THSD4: variants seen among roughly 807,000 people sequenced by gnomAD.
The protein encoded by THSD4 is thrombospondin type-1 domain-containing protein 4.
Under a neutral mutation model 119.0 loss-of-function variants are expected in THSD4, and 69 were observed. The observed-to-expected ratio is 0.58, with a 90% CI of 0.48 to 0.71. The LOEUF is 0.71. Ranked by LOEUF, THSD4 falls within the 30% of genes least tolerant of loss-of-function variation. The probability of loss-of-function intolerance (pLI) is 0.00; values close to 1 mark genes in which losing one functional copy is unlikely to be tolerated. For missense variants in THSD4, 1,393 were observed against 1,391.1 expected, an observed-to-expected ratio of 1.00 and a Z score of -0.02; for synonymous variants, 524 against 540.4, an observed-to-expected ratio of 0.97 and a Z score of 0.42.
chr15:71,128,050 T>G (rs186593322), intron 1 of THSD4, among the ~76,000 whole-genome samples: 37 of 152,280 alleles, frequency 2.4e-4, no homozygotes, highest in African/African-American at 7.2e-4. Context: ...CATTTAAGTC[T>G]TTAATCCCAA....
chr15:71,197,210 T>C (rs1269963784), intron 3 of THSD4, among the ~76,000 whole-genome samples: 1 of 152,212 alleles, frequency 6.6e-6, no homozygotes, highest in East Asian at 1.9e-4. Flanking sequence ...TCAGGGCTGA[T>C]GCATGGCCAA....
intron 6 of THSD4, among the ~76,000 whole-genome samples, chr15:71,392,418 A>G (rs1393677437): frequency 6.6e-6 from 1 of 152,236 alleles, no homozygotes; most frequent in Non-Finnish European, 1.5e-5. Flanking sequence ...AGCAAGGTTC[A>G]TAGACTTACT....
chr15:71,648,053 C>T (rs750899106), intron 7 of THSD4, among the ~76,000 whole-genome samples: 1 of 152,190 alleles, frequency 6.6e-6, no homozygotes, highest in Non-Finnish European at 1.5e-5. Context: ...GACAATACAA[C>T]TAGCAGAGGA....
chr15:71,604,981 G>A (rs1310496627), intron 7 of THSD4, among the ~76,000 whole-genome samples: 2 of 152,072 alleles, frequency 1.3e-5, no homozygotes, highest in East Asian at 3.9e-4. Context: ...GAATGGTAGA[G>A]GAAGACCTTT....
intron 6 of THSD4, among the ~76,000 whole-genome samples, chr15:71,391,368 AG>A (rs2046377353): frequency 6.6e-6 from 1 of 152,076 alleles, no homozygotes; most frequent in Non-Finnish European, 1.5e-5. Context: ...TTGTAGAGAC[AG>A]GGTCTTGCTA....
intron 3 of THSD4, among the ~76,000 whole-genome samples, chr15:71,160,858 C>G (rs1260373509): frequency 6.7e-6 from 1 of 148,442 alleles, no homozygotes; most frequent in African/African-American, 2.5e-5. Flanking sequence ...TTAGTTTGTT[C>G]TTGAGGTTCA....
intron 8 of THSD4, among the ~76,000 whole-genome samples, chr15:71,675,417 A>T (rs2051624490): frequency 6.6e-6 from 1 of 152,168 alleles, no homozygotes; most frequent in African/African-American, 2.4e-5. Context: ...GCAATCCTTG[A>T]AGACAAACAG....
chr15:71,671,665 G>A (rs568381822), intron 8 of THSD4, among the ~76,000 whole-genome samples: 71 of 152,290 alleles, frequency 4.7e-4, no homozygotes, highest in African/African-American at 1.7e-3. Flanking sequence ...TTTGTATAAG[G>A]TGTAAGGAAG....
chr15:71,644,882 T>C (rs1209350481), intron 7 of THSD4, among the ~76,000 whole-genome samples: 1 of 151,748 alleles, frequency 6.6e-6, no homozygotes, highest in African/African-American at 2.4e-5. Flanking sequence ...GGTAATGCCT[T>C]GGTTAGTTCA....
intron 7 of THSD4, among the ~76,000 whole-genome samples, chr15:71,588,598 G>A (rs2049736486): frequency 6.6e-6 from 1 of 151,404 alleles, no homozygotes; most frequent in Admixed American, 6.6e-5. Context: ...TAATTTTTTT[G>A]TATTTTTTGT....
chr15:71,569,503 T>C (rs182642168), intron 7 of THSD4, among the ~76,000 whole-genome samples: 4 of 152,274 alleles, frequency 2.6e-5, no homozygotes, highest in African/African-American at 9.6e-5. Context: ...ATGTAGTGAA[T>C]AGAATTTACA....
chr15:71,687,806 C>T (rs1222938028), intron 8 of THSD4, among the ~76,000 whole-genome samples: 1 of 149,974 alleles, frequency 6.7e-6, no homozygotes, highest in African/African-American at 2.4e-5. Flanking sequence ...TCTGTATCAA[C>T]CATTCATCAA....
intron 7 of THSD4, among the ~76,000 whole-genome samples, chr15:71,591,397 A>G (rs537397382): frequency 2.6e-5 from 4 of 152,232 alleles, no homozygotes; most frequent in African/African-American, 4.8e-5. Context: ...TGTCACAAAC[A>G]TATAACTATG....
chr15:71,111,457 G>A (rs2040304630), upstream of THSD4: 1 of 1,534,868 alleles, frequency 6.5e-7, no homozygotes, highest in Non-Finnish European at 8.9e-7. Flanking sequence ...ACTGGGTTAA[G>A]GAGGCAAGCA....
chr15:71,622,597 A>G (rs1225878793), intron 7 of THSD4, among the ~76,000 whole-genome samples: 1 of 152,184 alleles, frequency 6.6e-6, no homozygotes, highest in African/African-American at 2.4e-5. Flanking sequence ...CATGTTCTAA[A>G]TACTTTTTTC....
chr15:71,436,948 A>T (rs1007087592), intron 7 of THSD4, among the ~76,000 whole-genome samples: 1 of 152,052 alleles, frequency 6.6e-6, no homozygotes, highest in Non-Finnish European at 1.5e-5. Context: ...ACTGAATGGG[A>T]CTGTGTTCAT....
intron 8 of THSD4, among the ~76,000 whole-genome samples, chr15:71,722,285 C>T (rs2052737453): frequency 6.6e-6 from 1 of 152,196 alleles, no homozygotes; most frequent in Non-Finnish European, 1.5e-5. Flanking sequence ...ATCAGGACCA[C>T]ATTTGCTAAT....
intron 10 of THSD4, 34 bp from the exon 11 acceptor site, chr15:71,737,698 C>T: frequency 1.9e-6 from 3 of 1,561,568 alleles, no homozygotes; most frequent in South Asian, 2.5e-5. Flanking sequence ...CTAAACTGAT[C>T]CTGATTCTGT....
At chr15:71,123,353 T>C (rs2040423699) in intron 1 of THSD4, among the ~76,000 whole-genome samples, 1 of 152,228 alleles carries the variant, frequency 6.6e-6, no homozygotes, top group South Asian at 2.1e-4. Context: ...TCTGCATGTG[T>C]GGCTTTGGGT....
Sources: gnomAD v4.1 joint callset for allele counts (sites outside exome capture counted in the v4.1 genomes callset) on GRCh38, gnomAD v4.1.1 for gene constraint, MANE v1.5 for transcripts, NCBI Gene and HGNC (gene_info 2026-07-23, HGNC 2026-07-21) for gene names.